Variants in CDK14 observed in about 807,000 individuals in gnomAD.
CDK14 encodes the protein cyclin-dependent kinase 14.
A neutral mutation model predicts 60.7 loss-of-function variants in CDK14; 34 were observed. The ratio of observed to expected loss-of-function variants is 0.56; its 90% CI spans 0.43 to 0.75. The LOEUF (loss-of-function observed/expected upper bound fraction) is 0.75. Among genes scored for constraint, CDK14 ranks in the 30% least tolerant of loss-of-function variants. CDK14 has a pLI of 0.00. For synonymous variants in CDK14, 197 were observed against 203.7 expected (o/e 0.97, Z 0.28); for missense variants, 482 against 564.1 (o/e 0.85, Z 1.47).
intron 12 of CDK14, among the ~76,000 whole-genome samples, chr7:91,081,410 T>C (rs1318283560): frequency 6.6e-6 from 1 of 152,204 alleles, no homozygotes; most frequent in Non-Finnish European, 1.5e-5. Context: ...TGTTAAATTC[T>C]CTTGTACAGT....
rs187632483 is a variant in CDK14, at chr7:90,598,961, C to A, written c.91+2243C>A. On this transcript the variant is annotated intron_variant, in intron 1 of 14. Coordinates refer to ENST00000380050, the MANE Select transcript of CDK14 (RefSeq NM_001287135.2). ...CCTCGTGATCCGCCCGCCTCGGCCTCCCAAAGTGCTGGGATTACAGGCGAG... is the reference window on the plus strand; with the variant it reads ...CCTCGTGATCCGCCCGCCTCGGCCTACCAAAGTGCTGGGATTACAGGCGAG... Among the ~76,000 whole-genome samples, 203 of 152,130 alleles carry A rather than the reference C, an allele frequency of 1.3e-3. 3 individuals are homozygous for A. In the East Asian group the frequency reaches 0.035, roughly 26 times the overall value.
At chr7:91,012,568 A>T (rs1233597660) in intron 10 of CDK14, among the ~76,000 whole-genome samples, 2 of 152,076 alleles carry the variant, frequency 1.3e-5, no homozygotes, top group African/African-American at 4.8e-5. Context: ...CAGGCAGCAA[A>T]TTGGAGCAAT....
chr7:90,895,429 T>A (rs1216289531), intron 6 of CDK14, among the ~76,000 whole-genome samples: 3 of 19,476 alleles, frequency 1.5e-4, no homozygotes, highest in African/African-American at 4.5e-4. Context: ...TCCTCTCCTC[T>A]CCTCTCCTCT....
intron 11 of CDK14, among the ~76,000 whole-genome samples, chr7:91,060,465 C>A (rs948005847): frequency 6.6e-6 from 1 of 152,034 alleles, no homozygotes; most frequent in Non-Finnish European, 1.5e-5. Context: ...GGTGATTTTG[C>A]GCGTTAGTTG....
chr7:90,994,733 G>A (rs1451081248), intron 10 of CDK14, among the ~76,000 whole-genome samples: 1 of 152,152 alleles, frequency 6.6e-6, no homozygotes, highest in Admixed American at 6.5e-5. Context: ...GGGTCATGAG[G>A]TCCCTCATTT....
chr7:90,780,591 A>C, intron 4 of CDK14, among the ~76,000 whole-genome samples: 1 of 118,806 alleles, frequency 8.4e-6, no homozygotes, highest in South Asian at 3.0e-4. Context: ...CCACCCCACA[A>C]CATTCCCCAG....
rs186711737 is a variant in CDK14, at chr7:91,041,990, C to T, written c.1042-3907C>T. Among the ~76,000 whole-genome samples the T allele has an allele frequency of 7.2e-5, 11 of 152,180 alleles. No homozygotes were observed. The East Asian group carries it at 7.7e-4, about 11-fold the overall frequency. On this transcript the variant is annotated intron_variant, in intron 10 of 14. Coordinates refer to ENST00000380050, the MANE Select transcript of CDK14 (RefSeq NM_001287135.2). ...GACAGATGAGTAATCTAGCAATTAC[C>T]GGGTAGTGGTTAGGTTCTAAATAGA...
chr7:90,621,197 G>A (rs774495451), intron 2 of CDK14, among the ~76,000 whole-genome samples: 7 of 152,154 alleles, frequency 4.6e-5, no homozygotes, highest in East Asian at 1.9e-4. Context: ...GTACCTCCTC[G>A]TTTTTGGGTT....
intron 2 of CDK14, among the ~76,000 whole-genome samples, chr7:90,649,300 C>CTTTCT (rs1800547573): frequency 4.3e-5 from 3 of 70,554 alleles, no homozygotes; most frequent in African/African-American, 2.1e-4. Flanking sequence ...TTCTTTCTTT[C>CTTTCT]TTTCTTTCTT....
rs183635242 is a variant in CDK14 at position 91,196,823 on chromosome 7, G to T, written c.*29-10342G>T. 3.7e-4 allele frequency among the ~76,000 whole-genome samples: 57 copies of T among 152,342 alleles called. 1 individual carries two copies. The highest frequency in any genetic ancestry group is 1.5e-5 in the Non-Finnish European group (1 of 68,030). On this transcript the variant is annotated intron_variant, in intron 14 of 14. Transcript: ENST00000380050. ...GTGGAAGATCCCTGGACAGTCTGGA[G>T]AGGTGAGAAGAGAGAAGGCTGCTGG...
chr7:91,176,158 C>G (rs1801745524), intron 14 of CDK14, among the ~76,000 whole-genome samples: 1 of 151,916 alleles, frequency 6.6e-6, no homozygotes, highest in Non-Finnish European at 1.5e-5. Context: ...AAGAATCTCA[C>G]TCAAAACTGC....
chr7:91,166,815 A>G (rs1047197656), intron 14 of CDK14, among the ~76,000 whole-genome samples: 2 of 152,230 alleles, frequency 1.3e-5, no homozygotes, highest in Admixed American at 1.3e-4. Flanking sequence ...TTTAAAATCT[A>G]GAGAGCTGGG....
At chr7:91,137,938 A>G (rs966606606) in intron 14 of CDK14, among the ~76,000 whole-genome samples, 4 of 152,168 alleles carry the variant, frequency 2.6e-5, no homozygotes, top group Non-Finnish European at 5.9e-5. Flanking sequence ...ACATTAACAC[A>G]ACTCTGGCAT....
chr7:90,645,683 T>C (rs575742460), intron 2 of CDK14, among the ~76,000 whole-genome samples: 5 of 152,304 alleles, frequency 3.3e-5, no homozygotes, highest in South Asian at 4.1e-4. Context: ...TTAAAATGAA[T>C]GTTTTTAGAC....
In CDK14 at chr7:91,178,927, A is replaced by G. The variant is rs575738090; in HGVS notation, c.*29-28238A>G. 2.6e-5 allele frequency among the ~76,000 whole-genome samples: 4 copies of G among 152,260 alleles called. No homozygotes were observed. The East Asian group carries it at 5.8e-4, about 22-fold the overall frequency. On this transcript the variant is annotated intron_variant, in intron 14 of 14. Coordinates refer to ENST00000380050, the MANE Select transcript of CDK14 (RefSeq NM_001287135.2). ...ATTCCTCAGGGATCTAGAACTAGAA[A>G]TACCATTTGACCCAGCCATCCCATT...
chr7:90,802,951 G>C (rs997829635), intron 5 of CDK14, among the ~76,000 whole-genome samples: 1 of 151,958 alleles, frequency 6.6e-6, no homozygotes, highest in African/African-American at 2.4e-5. Flanking sequence ...TGTGTGTTTG[G>C]TCTCTTTCTT....
intron 2 of CDK14, among the ~76,000 whole-genome samples, chr7:90,688,267 A>G (rs1225720689): frequency 6.6e-6 from 1 of 152,174 alleles, no homozygotes; most frequent in Non-Finnish European, 1.5e-5. Context: ...GCCTGAGATC[A>G]GTCACAGACC....
intron 2 of CDK14, among the ~76,000 whole-genome samples, chr7:90,645,403 T>A (rs949068914): frequency 1.3e-5 from 2 of 152,184 alleles, no homozygotes; most frequent in African/African-American, 4.8e-5. Flanking sequence ...CTAAAGAGAC[T>A]TGTTAGTTTT....
rs796093975 is a variant in CDK14 at position 90,598,704 on chromosome 7, ATTT to A, written c.91+2002_91+2004del. On this transcript the variant is annotated intron_variant, in intron 1 of 14. Transcript: ENST00000380050. The stretch of plus-strand genomic sequence containing the variant: ...GTGAACTCATTCTGATTATCTAAGG[ATTT>A]TTTTTTTTTTTTTTTGAGACGGAGT... Among the ~76,000 whole-genome samples, 5 of 87,888 alleles carry A rather than the reference ATTT, an allele frequency of 5.7e-5. 1 individual carries two copies. Among genetic ancestry groups the A allele is most frequent in the East Asian group, 2.9e-4 (1 of 3,454 alleles). The allele number at this position is 87,888 out of a possible 152,430, so 57.7% of individuals were successfully genotyped here.
Sources: allele counts gnomAD v4.1 joint callset (sites outside exome capture counted in the v4.1 genomes callset), GRCh38; gene constraint gnomAD v4.1.1; transcripts MANE v1.5; gene names NCBI Gene and HGNC (gene_info 2026-07-23, HGNC 2026-07-21).